The following DGKD variants were observed in gnomAD, a reference collection of about 807,000 sequenced individuals.
DGKD encodes the protein diacylglycerol kinase delta.
A neutral mutation model predicts 154.4 loss-of-function variants in DGKD; 68 were observed. The ratio of observed to expected loss-of-function variants is 0.44; its 90% CI spans 0.36 to 0.54. The LOEUF is 0.54. Ranked by LOEUF, DGKD falls within the 20% of genes least tolerant of loss-of-function variation. DGKD has a pLI of 0.00. For missense variants in DGKD, 1,343 were observed against 1,593.6 expected (o/e 0.84, Z 2.68); for synonymous variants, 693 against 638.0 (o/e 1.09, Z -1.30).
rs531403986 is a variant in DGKD at position 233,460,274 on chromosome 2, G to A, written c.2910G>A (p.Pro970=). The change falls in exon 24 of 30, where the codon CCG becomes CCA. Residue 970 remains proline, a synonymous_variant. Transcript: ENST00000264057. ...GCCCTCCATCCTGTTCCCTGCACCCGGAGATGCTGTCCGAGGAGGAGGCCA... is the reference window on the plus strand; with the variant it reads ...GCCCTCCATCCTGTTCCCTGCACCCAGAGATGCTGTCCGAGGAGGAGGCCA... ...LPRPPSCSLH[P]EMLSEEEATQ... The A allele has an allele frequency of 1.1e-5, 17 of 1,613,964 alleles. No homozygotes were observed. The highest frequency in any genetic ancestry group is 5.5e-5 in the South Asian group (5 of 91,074).
chr2:233,440,292 A>G lies in DGKD; in HGVS notation c.1086-1595A>G, dbSNP rs1480674702. Among the ~76,000 whole-genome samples, 1 of 152,084 alleles carries G rather than the reference A, an allele frequency of 6.6e-6. No individual in the cohort carries two copies. Among genetic ancestry groups the G allele is most frequent in the Non-Finnish European group, 1.5e-5 (1 of 68,012 alleles). On this transcript the variant is annotated intron_variant, in intron 9 of 29. Transcript: ENST00000264057. The surrounding 1 kb of genome is among the most constrained non-coding windows in gnomAD (Gnocchi z 4.9). ...GAGAGCAGGGGGCCTTACAGGTGTC[A>G]GTGTTCTGTGTGGAGCCTGGGCTTG...
intron 1 of DGKD, among the ~76,000 whole-genome samples, chr2:233,358,251 C>T (rs887833520): frequency 1.3e-5 from 2 of 152,150 alleles, no homozygotes; most frequent in Non-Finnish European, 2.9e-5. Flanking sequence ...AGTGAAGAAC[C>T]GTGTAATTCT....
intron 1 of DGKD, among the ~76,000 whole-genome samples, chr2:233,380,619 C>T (rs1284547956): frequency 1.3e-5 from 2 of 152,156 alleles, no homozygotes; most frequent in South Asian, 2.1e-4. Context: ...TCCCCCGCGA[C>T]CACCACCCCC....
At chr2:233,383,190 G>T (rs1324847748) in intron 1 of DGKD, among the ~76,000 whole-genome samples, 1 of 151,944 alleles carries the variant, frequency 6.6e-6, no homozygotes, top group African/African-American at 2.4e-5. Context: ...ACAGGTATCC[G>T]CCACCATGCC....
chr2:233,464,096 C>A (rs1575177782), intron 26 of DGKD, 68 bp from the exon 27 acceptor site: 1 of 1,601,542 alleles, frequency 6.2e-7, no homozygotes, highest in Non-Finnish European at 8.5e-7. Context: ...GACCTCACCC[C>A]CCTGGGCCTC....
chr2:233,399,129 G>A (rs10181039), intron 3 of DGKD, among the ~76,000 whole-genome samples: 16,342 of 152,286 alleles, frequency 0.11, 1,125 homozygotes, highest in African/African-American at 0.2. Context: ...AATGAAAGCA[G>A]TGGGCTTTAT....
intron 1 of DGKD, among the ~76,000 whole-genome samples, chr2:233,371,470 AT>A (rs1409302581): frequency 6.6e-6 from 1 of 152,106 alleles, no homozygotes; most frequent in African/African-American, 2.4e-5. Context: ...ATTTGCAAAT[AT>A]TTCCTCTCAT....
intron 24 of DGKD, among the ~76,000 whole-genome samples, chr2:233,461,422 G>C (rs1162941869): frequency 6.6e-6 from 1 of 152,258 alleles, no homozygotes; most frequent in Non-Finnish European, 1.5e-5. Flanking sequence ...CGAGCAGGTG[G>C]TCGCTGTCCC....
chr2:233,435,552 C>T (rs1056417005), intron 5 of DGKD, among the ~76,000 whole-genome samples: 8 of 152,198 alleles, frequency 5.3e-5, no homozygotes, highest in Non-Finnish European at 7.3e-5. Context: ...TTAGTGGTGA[C>T]GGAAGCTGGT....
In DGKD at chr2:233,469,509, A is replaced by C. The variant is rs1195811856; in HGVS notation, c.*49A>C. On this transcript the variant is annotated 3_prime_UTR_variant, in exon 30 of 30. Transcript: ENST00000264057. ...CTCCACATCCCCGCCGCCGAGGCCT[A>C]GCCTCCGCCCTCTCAGCCTGTGGCC... The C allele has an allele frequency of 1.3e-6, 2 of 1,500,034 alleles. No homozygotes were observed. The highest frequency in any genetic ancestry group is 2.4e-5 in the East Asian group (1 of 41,180). The allele number at this position is 1,500,034 out of a possible 1,614,324, so 92.9% of individuals were successfully genotyped here. A position where few individuals can be genotyped will look rare whatever the true frequency, so the allele number is the denominator to read the frequency against.
At chr2:233,462,756 C>T in intron 26 of DGKD, 21 bp downstream of exon 26, 2 of 1,605,368 alleles carry the variant, frequency 1.2e-6, no homozygotes, top group Non-Finnish European at 1.7e-6. Flanking sequence ...GCCCCAGGGA[C>T]AGCAGGGCTC....
intron 1 of DGKD, among the ~76,000 whole-genome samples, chr2:233,374,327 A>G (rs1321235382): frequency 6.8e-6 from 1 of 147,996 alleles, no homozygotes; most frequent in East Asian, 2.1e-4. Flanking sequence ...CTGGGATTAC[A>G]GGCGTGAGCC....
chr2:233,453,812 C>T (rs542032374), intron 18 of DGKD, among the ~76,000 whole-genome samples: 1 of 150,988 alleles, frequency 6.6e-6, no homozygotes, highest in South Asian at 2.1e-4. Flanking sequence ...GGACTTCCAG[C>T]TGGGTGGGGA....
chr2:233,396,484 A>G lies in DGKD; in HGVS notation c.348+6001A>G, dbSNP rs1387511301. On this transcript the variant is annotated intron_variant, in intron 3 of 29. Coordinates refer to ENST00000264057, the MANE Select transcript of DGKD (RefSeq NM_152879.3). ...AAATGGAGAGGAGCCACTCTGCATC[A>G]AGCTTATATTCTCGTGGGAGATCAG... Among the ~76,000 whole-genome samples, 3 of 151,876 alleles carry G rather than the reference A, an allele frequency of 2.0e-5. No individual in the cohort carries two copies. In the East Asian group the frequency reaches 5.8e-4, roughly 29 times the overall value.
At chr2:233,447,426 G>A (rs2063117639) in intron 12 of DGKD, 5 of 972,204 alleles carry the variant, frequency 5.1e-6, no homozygotes, top group Admixed American at 6.2e-5. Context: ...TAGGGCAACG[G>A]TCAGCAAACA....
chr2:233,443,459 T>C (rs2062963462), intron 10 of DGKD, among the ~76,000 whole-genome samples: 1 of 152,236 alleles, frequency 6.6e-6, no homozygotes, highest in Admixed American at 6.5e-5. Context: ...AACATCCTTT[T>C]TGGGGGGTGG....
intron 1 of DGKD, chr2:233,385,934 T>G: frequency 2.1e-6 from 1 of 470,998 alleles, no homozygotes; most frequent in South Asian, 1.5e-5. Flanking sequence ...AAGCAGCAGC[T>G]CTCCTTGGGC....
At chr2:233,363,147 G>T (rs1184224219) in intron 1 of DGKD, among the ~76,000 whole-genome samples, 1 of 152,174 alleles carries the variant, frequency 6.6e-6, no homozygotes, top group Non-Finnish European at 1.5e-5. Flanking sequence ...TCCTTCAGGA[G>T]GTATCCAGAA....
At chr2:233,465,720 G>C (rs1253009051) in intron 27 of DGKD, among the ~76,000 whole-genome samples, 1 of 152,136 alleles carries the variant, frequency 6.6e-6, no homozygotes, top group African/African-American at 2.4e-5. Context: ...GGACCAGCAA[G>C]GGTATCGCTA....
Sources: gnomAD v4.1 joint callset for allele counts (sites outside exome capture counted in the v4.1 genomes callset) on GRCh38, gnomAD v4.1.1 for gene constraint, Gnocchi (gnomAD v3.1) non-coding constraint, MANE v1.5 for transcripts, NCBI Gene and HGNC (gene_info 2026-07-23, HGNC 2026-07-21) for gene names.